Variants in ADGRG4 observed in about 807,000 individuals in gnomAD.
ADGRG4 encodes G protein-coupled receptor 112.
Under a neutral mutation model 126.2 loss-of-function variants are expected in ADGRG4, and 122 were observed. The ratio of observed to expected loss-of-function variants is 0.97; its 90% CI spans 0.83 to 1.12. The LOEUF (loss-of-function observed/expected upper bound fraction) is 1.12. ADGRG4 is among the 50% of genes most tolerant of loss of function. The probability of loss-of-function intolerance (pLI) is 0.00; values close to 1 mark genes in which losing one functional copy is unlikely to be tolerated. For missense variants in ADGRG4, 2,481 were observed against 2,251.8 expected, an observed-to-expected ratio of 1.10 and a Z score of -2.06; for synonymous variants, 943 against 838.7, an observed-to-expected ratio of 1.12 and a Z score of -2.15.
chrX:136,356,075 A>G, intron 8 of ADGRG4, 51 bp from the exon 9 acceptor site: 1 of 959,268 alleles, frequency 1.0e-6, no homozygotes, highest in Non-Finnish European at 1.5e-6. Context: ...TGCCCTGTAT[A>G]CTTGGTACTA....
intron 4 of ADGRG4, among the ~76,000 whole-genome samples, chrX:136,320,026 T>C (rs1206564307): frequency 8.9e-6 from 1 of 112,029 alleles, no homozygotes; most frequent in African/African-American, 3.2e-5. Context: ...TATTTTTCTT[T>C]TAGTTTTTAA....
chrX:136,412,273 A>G lies in ADGRG4; in HGVS notation c.8944A>G (p.Ile2982Val). ...AIFNTLQGFF[I>V]FVFHCVMKES... ...TTCTTCTTCTGGCTTAGGATTCTTC[A>G]TTTTTGTGTTTCACTGTGTGATGAA... The change falls in exon 24 of 26, where the codon ATT becomes GTT. Residue 2982 changes from isoleucine (I) to valine (V), a missense_variant. Coordinates refer to ENST00000394143, the MANE Select transcript of ADGRG4 (RefSeq NM_153834.4). 8.4e-7 allele frequency: 1 copy of G among 1,195,550 alleles called. No individual in the cohort carries two copies. The highest frequency in any genetic ancestry group is 1.1e-6 in the Non-Finnish European group (1 of 880,698).
At chrX:136,356,406 G>A (rs1387785583) in intron 9 of ADGRG4, among the ~76,000 whole-genome samples, 1 of 111,666 alleles carries the variant, frequency 9.0e-6, no homozygotes, top group Non-Finnish European at 1.9e-5. Context: ...TACAGGGATT[G>A]TAAATGGTAA....
chrX:136,342,924 G>GAGAC (rs1569321350), intron 5 of ADGRG4, among the ~76,000 whole-genome samples: 1 of 103,875 alleles, frequency 9.6e-6, no homozygotes, highest in Non-Finnish European at 2.0e-5. Flanking sequence ...GTGTGTGTGA[G>GAGAC]AGAGAGAGAG....
intron 13 of ADGRG4, among the ~76,000 whole-genome samples, 186 bp from the exon 14 acceptor site, chrX:136,371,142 C>T (rs1423726511): frequency 8.9e-6 from 1 of 111,977 alleles, no homozygotes; most frequent in Non-Finnish European, 1.9e-5. Context: ...AAAAACTTGA[C>T]TTATGTTCTA....
chrX:136,410,246 T>A (rs182612758), intron 23 of ADGRG4, among the ~76,000 whole-genome samples: 1 of 109,170 alleles, frequency 9.2e-6, no homozygotes, highest in African/African-American at 3.4e-5. Flanking sequence ...CCACTCCAAG[T>A]TTTTTTTTAA....
intron 13 of ADGRG4, among the ~76,000 whole-genome samples, chrX:136,365,504 T>C (rs1442948920): frequency 8.9e-6 from 1 of 112,274 alleles, no homozygotes; most frequent in Non-Finnish European, 1.9e-5. Flanking sequence ...CATCTTTTGG[T>C]TATTATTAAA....
intron 5 of ADGRG4, among the ~76,000 whole-genome samples, chrX:136,337,313 T>C (rs2074953818): frequency 8.9e-6 from 1 of 111,910 alleles, no homozygotes; most frequent in South Asian, 3.7e-4. Flanking sequence ...TGTTGCAATT[T>C]TTGTCTCAAT....
chrX:136,318,152 T>C (rs1334493046), intron 4 of ADGRG4, among the ~76,000 whole-genome samples: 1 of 112,397 alleles, frequency 8.9e-6, no homozygotes, highest in Non-Finnish European at 1.9e-5. Flanking sequence ...AAATGTCTAT[T>C]AACGTGAATC....
At chrX:136,385,377 TTA>T (rs1447024498) in intron 15 of ADGRG4, among the ~76,000 whole-genome samples, 3 of 112,267 alleles carry the variant, frequency 2.7e-5, no homozygotes, top group Non-Finnish European at 3.8e-5. Context: ...TCCCGTAATA[TTA>T]TGTTATATAC....
chrX:136,399,463 T>G (rs1024026722), intron 20 of ADGRG4, among the ~76,000 whole-genome samples: 12 of 111,114 alleles, frequency 1.1e-4, no homozygotes, highest in African/African-American at 3.9e-4. Flanking sequence ...TATCGGGATC[T>G]TTAGAACTAT....
intron 16 of ADGRG4, among the ~76,000 whole-genome samples, chrX:136,390,061 G>T (rs1023558012): frequency 9.0e-6 from 1 of 111,605 alleles, no homozygotes; most frequent in African/African-American, 3.3e-5. Flanking sequence ...GTTTGTTTGT[G>T]TCTTTTAAAG....
intron 15 of ADGRG4, among the ~76,000 whole-genome samples, chrX:136,384,893 T>A (rs759050116): frequency 3.6e-4 from 39 of 108,897 alleles, no homozygotes; most frequent in African/African-American, 1.2e-3. Flanking sequence ...TGCCTGGGCA[T>A]TTTTTTTTTC....
At chrX:136,308,598 G>C (rs555884923) in intron 3 of ADGRG4, among the ~76,000 whole-genome samples, 171 bp from the exon 4 acceptor site, 4 of 112,039 alleles carry the variant, frequency 3.6e-5, no homozygotes, top group Non-Finnish European at 7.5e-5. Context: ...TGAGGTTTCA[G>C]CCAGGCTGGG....
At chrX:136,324,885 T>G (rs2074862809) in intron 5 of ADGRG4, among the ~76,000 whole-genome samples, 1 of 112,134 alleles carries the variant, frequency 8.9e-6, no homozygotes, top group African/African-American at 3.2e-5. Context: ...AACCAATTCA[T>G]TTTTTCTTCT....
chrX:136,356,262 G>A lies in ADGRG4; in HGVS notation c.6927+97G>A, dbSNP rs922079699. 6 of 545,990 alleles carry A rather than the reference G, an allele frequency of 1.1e-5. No homozygotes were observed. In the African/African-American group the frequency reaches 1.2e-4, roughly 10 times the overall value. The allele number at this position is 545,990 out of a possible 1,213,427, so 45.0% of individuals were successfully genotyped here. ...TCCACCCAAGTATATATTATCAGGC[G>A]AGGCTTTGTTGTGGCAATTGGGGGT... On this transcript the variant is annotated intron_variant, in intron 9 of 25. Transcript: ENST00000394143.
At chrX:136,380,677 TC>T (rs2075258695) in intron 15 of ADGRG4, among the ~76,000 whole-genome samples, 1 of 94,591 alleles carries the variant, frequency 1.1e-5, no homozygotes, top group African/African-American at 3.9e-5. Flanking sequence ...CTCTTCCTCC[TC>T]CTCCTCCTCC....
Position 136,405,851 on chromosome X carries a change from C to A in ADGRG4, c.8814C>A (p.Asp2938Glu). Residue 2938 changes from aspartate (D) to glutamate (E), a missense_variant, in exon 23 of 26, where the codon GAC (aspartate) becomes GAA (glutamate). Transcript: ENST00000394143. ...QKTRRKMILH[D>E]LKGTMSLTFL... ...CTCGGCGGAAGATGATCCTGCATGA[C>A]CTCAAAGGCACAATGAGCCTGACAT... 1 of 1,208,633 alleles carries A rather than the reference C, an allele frequency of 8.3e-7. No individual in the cohort carries two copies. Among genetic ancestry groups the A allele is most frequent in the East Asian group, 3.0e-5 (1 of 33,799 alleles).
intron 23 of ADGRG4, among the ~76,000 whole-genome samples, chrX:136,409,043 T>C (rs1043828774): frequency 4.8e-4 from 35 of 72,287 alleles, no homozygotes; most frequent in Middle Eastern, 7.1e-3. Flanking sequence ...GAGTTTCAAA[T>C]TCAAGACACA....
Sources: allele counts gnomAD v4.1 joint callset (sites outside exome capture counted in the v4.1 genomes callset), GRCh38; gene constraint gnomAD v4.1.1; transcripts MANE v1.5; gene names NCBI Gene and HGNC (gene_info 2026-07-23, HGNC 2026-07-21).